SEM1: variants seen among roughly 807,000 people sequenced by gnomAD.
The protein encoded by SEM1 is 26S proteasome complex subunit SEM1.
A neutral mutation model predicts 12.7 loss-of-function variants in SEM1; 3 were observed. The ratio of observed to expected loss-of-function variants is 0.24; its 90% CI spans 0.11 to 0.61. SEM1 has a LOEUF of 0.61. Ranked by LOEUF, SEM1 falls within the 20% of genes least tolerant of loss-of-function variation. SEM1 has a pLI of 0.88. For synonymous variants in SEM1, 30 were observed against 27.8 expected, an observed-to-expected ratio of 1.08 and a Z score of -0.25; for missense variants, 59 against 81.3, an observed-to-expected ratio of 0.73 and a Z score of 1.06.
At chr7:96,626,452 C>T (rs1384980447) in intron 2 of SEM1, among the ~76,000 whole-genome samples, 1 of 151,882 alleles carries the variant, frequency 6.6e-6, no homozygotes, top group African/African-American at 2.4e-5. Context: ...GTTGCTTTTG[C>T]CATATATGGC....
intron 2 of SEM1, among the ~76,000 whole-genome samples, chr7:96,675,945 C>T (rs1194728174): frequency 6.6e-6 from 1 of 152,168 alleles, no homozygotes; most frequent in Non-Finnish European, 1.5e-5. Context: ...CCAGTAACTT[C>T]TCATTTGGCA....
chr7:96,654,547 C>A (rs1443291812), intron 2 of SEM1, among the ~76,000 whole-genome samples: 1 of 152,290 alleles, frequency 6.6e-6, no homozygotes, highest in East Asian at 1.9e-4. Context: ...AGCCACAGCA[C>A]CCATCAGCCA....
At position 96,679,000 on chromosome 7, in the gene SEM1, C is replaced by T. The variant is rs779998124; in HGVS notation, c.171-5141G>A. Among the ~76,000 whole-genome samples, 23 of 152,106 alleles carry T rather than the reference C, an allele frequency of 1.5e-4. 1 individual carries two copies. Among genetic ancestry groups the T allele is most frequent in the South Asian group, 8.3e-4 (4 of 4,828 alleles). Reference sequence around the variant, plus strand: ...AATGGTGAAAACTTAGCTTCCAAAACGAGACTTATTTAACAAGTTAAATAT... The same window carrying T: ...AATGGTGAAAACTTAGCTTCCAAAATGAGACTTATTTAACAAGTTAAATAT... On this transcript the variant is annotated intron_variant, in intron 2 of 2. Coordinates refer to the SEM1 transcript ENST00000413065.
At chr7:96,491,529 C>G (rs1379925665) in intron 1 of SEM1, among the ~76,000 whole-genome samples, 2 of 152,282 alleles carry the variant, frequency 1.3e-5, no homozygotes, top group Non-Finnish European at 2.9e-5. Context: ...AAGATAAAAA[C>G]CAAACACAGT....
At chr7:96,656,360 C>T (rs1809178846) in intron 2 of SEM1, 1 of 152,208 alleles carries the variant, frequency 6.6e-6, no homozygotes, top group Admixed American at 6.6e-5. Context: ...ACATCACTGT[C>T]TCAGCCAGCT....
At chr7:96,661,849 G>A (rs190371001) in intron 2 of SEM1, among the ~76,000 whole-genome samples, 270 of 152,022 alleles carry the variant, frequency 1.8e-3, no homozygotes, top group African/African-American at 6.3e-3. Flanking sequence ...TTAGCTGGGC[G>A]TGGTGGGGCA....
At chr7:96,620,030 T>C (rs574919813), downstream of SEM1, among the ~76,000 whole-genome samples, 93 of 152,230 alleles carry the variant, frequency 6.1e-4, no homozygotes, top group African/African-American at 2.1e-3. Context: ...ATGCCACTCA[T>C]TCCAGAACAG....
chr7:96,666,654 T>G (rs1049290521), intron 2 of SEM1, among the ~76,000 whole-genome samples: 1 of 151,216 alleles, frequency 6.6e-6, no homozygotes, highest in Non-Finnish European at 1.5e-5. Context: ...TTTTTTTTTT[T>G]GCCTCAACCA....
intron 2 of SEM1, among the ~76,000 whole-genome samples, chr7:96,651,559 G>A (rs1238246804): frequency 6.6e-6 from 1 of 152,084 alleles, no homozygotes; most frequent in Non-Finnish European, 1.5e-5. Context: ...AGAGCAAGAT[G>A]GCAAAAGGAT....
chr7:96,578,795 G>A (rs1806291121), intron 2 of SEM1, among the ~76,000 whole-genome samples: 1 of 152,206 alleles, frequency 6.6e-6, no homozygotes. Context: ...TAGGCTGGGT[G>A]CCAGAGCCAG....
chr7:96,543,505 AAAAT>A (rs1805017781), intron 2 of SEM1, among the ~76,000 whole-genome samples: 1 of 151,980 alleles, frequency 6.6e-6, no homozygotes, highest in Non-Finnish European at 1.5e-5. Flanking sequence ...AAATGTCTAT[AAAAT>A]AAATATATAT....
intron 2 of SEM1, among the ~76,000 whole-genome samples, chr7:96,580,302 T>G (rs1156912382): frequency 1.4e-5 from 2 of 147,976 alleles, no homozygotes; most frequent in Non-Finnish European, 3.0e-5. Flanking sequence ...CATGAACTCA[T>G]CATTTTTTAT....
At chr7:96,508,645 C>G (rs1803830859) in intron 2 of SEM1, among the ~76,000 whole-genome samples, 1 of 152,140 alleles carries the variant, frequency 6.6e-6, no homozygotes, top group Non-Finnish European at 1.5e-5. Context: ...TAGCAATCCA[C>G]ACTGTTATTA....
intron 2 of SEM1, among the ~76,000 whole-genome samples, chr7:96,555,788 G>T (rs547156684): frequency 0.022 from 3,148 of 146,078 alleles, 90 homozygotes; most frequent in African/African-American, 0.077. Flanking sequence ...TTGACAGTGG[G>T]GTGTTAAAGT....
chr7:96,577,255 A>G (rs1351781147), intron 2 of SEM1, among the ~76,000 whole-genome samples: 1 of 152,184 alleles, frequency 6.6e-6, no homozygotes, highest in Non-Finnish European at 1.5e-5. Context: ...AGAGCATCCA[A>G]CATCTGCTGG....
intron 1 of SEM1, chr7:96,696,876 A>G (rs1019275476): frequency 6.6e-6 from 1 of 151,972 alleles, no homozygotes; most frequent in African/African-American, 2.4e-5. Flanking sequence ...GGATCTCTGA[A>G]TTGTGTTTTA....
At chr7:96,493,668 C>T (rs1439373733) in intron 1 of SEM1, among the ~76,000 whole-genome samples, 5 of 152,156 alleles carry the variant, frequency 3.3e-5, no homozygotes, top group Non-Finnish European at 7.3e-5. Flanking sequence ...TCACTCCCCA[C>T]TCAAGAATCT....
At chr7:96,617,307 T>G (rs2116265124) in intron 2 of SEM1, among the ~76,000 whole-genome samples, 1 of 152,284 alleles carries the variant, frequency 6.6e-6, no homozygotes, top group East Asian at 1.9e-4. Context: ...TTTTTTTAGC[T>G]GTTATAAGTA....
rs1485192995 is a variant in SEM1, at chr7:96,640,996, A to G, written c.171-18353T>C. Among the ~76,000 whole-genome samples the G allele has an allele frequency of 6.6e-6, 1 of 151,988 alleles. No individual in the cohort carries two copies. On this transcript the variant is annotated intron_variant, in intron 2 of 2. Transcript: ENST00000417009. This position sits in a 1 kb window ranked among gnomAD's most constrained non-coding sequence, Gnocchi z 4.0. ...CTAAGACCAGCATTTCTTACCAGTA[A>G]ACTTTTTTAAATATTATGTTTTTCT...
Sources: gnomAD v4.1 joint callset for allele counts (sites outside exome capture counted in the v4.1 genomes callset) on GRCh38, gnomAD v4.1.1 for gene constraint, Gnocchi (gnomAD v3.1) non-coding constraint, MANE v1.5 for transcripts, NCBI Gene and HGNC (gene_info 2026-07-23, HGNC 2026-07-21) for gene names.